The following NT5DC4 variants were observed in gnomAD, a reference collection of about 807,000 sequenced individuals.
The protein encoded by NT5DC4 is 5'-nucleotidase domain-containing protein 4.
A neutral mutation model predicts 26.6 loss-of-function variants in NT5DC4; 44 were observed. The ratio of observed to expected loss-of-function variants is 1.65; its 90% CI spans 1.30 to 2.13. The LOEUF is 2.13. NT5DC4 is among the 30% of genes most tolerant of loss of function. The probability of loss-of-function intolerance (pLI) is 0.00; values close to 1 mark genes in which losing one functional copy is unlikely to be tolerated. For synonymous variants in NT5DC4, 157 were observed against 86.7 expected, an observed-to-expected ratio of 1.81 and a Z score of -4.51; for missense variants, 399 against 228.1, an observed-to-expected ratio of 1.75 and a Z score of -4.83.
rs139299635 is a variant in NT5DC4, at chr2:112,724,353, AG to A, written c.789+229del. ...CCTTTGGGGGTGATAGGAGGCAGTC[AG>A]GTATGTGGGGACGGGCGGCAGAAAG... On this transcript the variant is annotated intron_variant, in intron 10 of 16. Coordinates refer to ENST00000688554, the MANE Select transcript of NT5DC4 (RefSeq NM_001393655.1). 3.1e-3 allele frequency: 1,841 copies of A among 598,252 alleles called. 19 individuals carry two copies. Among genetic ancestry groups the A allele is most frequent in the African/African-American group, 0.031 (1,662 of 54,038 alleles). 37.1% of individuals were successfully genotyped at this position (598,252 alleles called of 1,614,324 possible).
intron 15 of NT5DC4, among the ~76,000 whole-genome samples, chr2:112,727,892 C>T (rs973036094): frequency 1.3e-5 from 2 of 151,086 alleles, no homozygotes; most frequent in South Asian, 4.2e-4. Flanking sequence ...CCAGCTGATG[C>T]GCTATGCCGA....
rs930931408 is a variant in NT5DC4, at chr2:112,724,803, G to A, written c.812G>A (p.Trp271Ter). ...CAGGCTGAAGCCTCGGGCAGGCCCTGGAGGTCCTACTTTGACCTGATCGTG... is the reference window on the plus strand; with the variant it reads ...CAGGCTGAAGCCTCGGGCAGGCCCTAGAGGTCCTACTTTGACCTGATCGTG... ...ISEAEASGRPWRSYFDLIVVD... is the reference protein window; with the variant it reads ...ISEAEASGRP The change falls in exon 11 of 17, where the codon TGG becomes TAG. Residue 271 changes from tryptophan (W) to a stop codon, truncating the protein, a stop_gained. Transcript: ENST00000688554. LOFTEE classifies it high-confidence loss of function. 4 of 717,058 alleles carry A rather than the reference G, an allele frequency of 5.6e-6. No homozygotes were observed. The highest frequency in any genetic ancestry group is 5.2e-5 in the African/African-American group (3 of 57,238). 44.4% of individuals were successfully genotyped at this position (717,058 alleles called of 1,614,324 possible). A position where few individuals can be genotyped will look rare whatever the true frequency, so the allele number is the denominator to read the frequency against.
At chr2:112,719,767 A>G (rs998222938), upstream of NT5DC4, among the ~76,000 whole-genome samples, 7 of 151,636 alleles carry the variant, frequency 4.6e-5, no homozygotes, top group African/African-American at 1.7e-4. Context: ...TACAGGTGTG[A>G]GCCACTGCGC....
chr2:112,719,606 C>A (rs570247451), upstream of NT5DC4, among the ~76,000 whole-genome samples: 1 of 150,804 alleles, frequency 6.6e-6, no homozygotes, highest in South Asian at 2.1e-4. Context: ...CCACCTCAGC[C>A]TCCTGAGTAG....
At chr2:112,719,292 C>T (rs564598659), upstream of NT5DC4, among the ~76,000 whole-genome samples, 26 of 152,294 alleles carry the variant, frequency 1.7e-4, no homozygotes, top group South Asian at 4.3e-3. Context: ...CACTGTTGGG[C>T]GGAACATCGT....
Position 112,725,258 on chromosome 2 carries a change from G to GC in NT5DC4, c.982+22dup. ...CTCTGGAGGTACCAGCTCCCACCATGCCCCATCACTCCTTGGGCACCCTCC... is the reference window on the plus strand; with the variant it reads ...CTCTGGAGGTACCAGCTCCCACCATGCCCCCATCACTCCTTGGGCACCCTCC... On this transcript the variant is annotated intron_variant, in intron 12 of 16. Transcript: ENST00000688554. 1.4e-6 allele frequency: 1 copy of GC among 705,664 alleles called. No individual in the cohort carries two copies. Among genetic ancestry groups the GC allele is most frequent in the Non-Finnish European group, 2.7e-6 (1 of 375,632 alleles). 43.7% of individuals were successfully genotyped at this position (705,664 alleles called of 1,614,324 possible).
intron 10 of NT5DC4, 156 bp downstream of exon 10, chr2:112,724,282 C>T (rs1411498498): frequency 7.6e-6 from 5 of 660,132 alleles, no homozygotes; most frequent in African/African-American, 3.5e-5. Flanking sequence ...GTGGAAGCTC[C>T]CCAGTGGGTA....
Position 112,721,859 on chromosome 2 carries a change from G to A in NT5DC4, c.116G>A (p.Cys39Tyr). The change falls in exon 2 of 17, where the codon TGC (cysteine) becomes TAC (tyrosine). Residue 39 changes from cysteine (C) to tyrosine (Y), a missense_variant. By Grantham distance (194) the Cys-to-Tyr change is radical. Transcript: ENST00000688554. ...NRSLALGKIR[C>Y]FGFDMDYTLA... is the part of the protein sequence containing the mutation. ...AGCCTGGCGCTGGGGAAGATTCGTT[G>A]CTTTGGCTTCGACATGGACTACACT... 1.4e-6 allele frequency: 1 copy of A among 717,388 alleles called. No individual in the cohort carries two copies. Among genetic ancestry groups the A allele is most frequent in the South Asian group, 1.5e-5 (1 of 67,602 alleles). The allele number at this position is 717,388 out of a possible 1,614,324, so 44.4% of individuals were successfully genotyped here.
At chr2:112,734,772 CTT>C (rs1678896803) in intron 16 of NT5DC4, among the ~76,000 whole-genome samples, 1 of 152,324 alleles carries the variant, frequency 6.6e-6, no homozygotes, top group Non-Finnish European at 1.5e-5. Context: ...TCACTGCACC[CTT>C]TGTTTCCCGG....
At chr2:112,731,737 C>T (rs2104785685) in intron 16 of NT5DC4, 1 of 152,284 alleles carries the variant, frequency 6.6e-6, no homozygotes, top group East Asian at 1.9e-4. Context: ...TTAGTGGTAT[C>T]ATCTGGCATT....
intron 9 of NT5DC4, 127 bp downstream of exon 9, chr2:112,723,929 G>A (rs542445255): frequency 1.2e-5 from 8 of 689,908 alleles, no homozygotes; most frequent in Admixed American, 4.1e-5. Flanking sequence ...CCACTGGGCT[G>A]GTCTCCTGGA....
At chr2:112,736,621 T>C (rs538329580) in intron 16 of NT5DC4, 28 of 152,364 alleles carry the variant, frequency 1.8e-4, no homozygotes, top group African/African-American at 6.5e-4. Flanking sequence ...CAATCTGTGG[T>C]AAGCACTTTC....
In NT5DC4 at chr2:112,726,635, G is replaced by T. The variant is rs749819768; in HGVS notation, c.1206-43G>T. The stretch of plus-strand genomic sequence containing the variant: ...TAAGGAGACTGTCCTGGCACTCGGA[G>T]GCTCTGTGCCTCCCCTGGGTCACCT... On this transcript the variant is annotated intron_variant, in intron 14 of 16. Coordinates refer to ENST00000688554, the MANE Select transcript of NT5DC4 (RefSeq NM_001393655.1). The T allele has an allele frequency of 5.6e-6, 4 of 717,348 alleles. No homozygotes were observed. The African/African-American group carries it at 7.0e-5, about 13-fold the overall frequency. 44.4% of individuals were successfully genotyped at this position (717,348 alleles called of 1,614,324 possible).
chr2:112,734,492 G>A (rs1678848535), intron 16 of NT5DC4, among the ~76,000 whole-genome samples: 1 of 152,126 alleles, frequency 6.6e-6, no homozygotes, highest in Non-Finnish European at 1.5e-5. Context: ...AACTCTACCA[G>A]GAAGCATCTT....
chr2:112,726,555 G>C (rs1201263775), intron 14 of NT5DC4, 123 bp from the exon 15 acceptor site: 2 of 696,838 alleles, frequency 2.9e-6, no homozygotes, highest in African/African-American at 3.5e-5. Flanking sequence ...CACCCAGCCC[G>C]GCACCCCCAC....
chr2:112,734,045 CATTT>C (rs1377448100), intron 16 of NT5DC4, among the ~76,000 whole-genome samples: 2 of 152,082 alleles, frequency 1.3e-5, no homozygotes, highest in African/African-American at 2.4e-5. Flanking sequence ...GCAGGACTGA[CATTT>C]ATTAACTACT....
downstream of NT5DC4, among the ~76,000 whole-genome samples, chr2:112,739,279 G>T (rs1365225631): frequency 6.6e-6 from 1 of 152,056 alleles, no homozygotes; most frequent in Non-Finnish European, 1.5e-5. Flanking sequence ...AAATTAGCTG[G>T]GCATGGTGGC....
chr2:112,741,086 C>A, downstream of NT5DC4: 1 of 901,014 alleles, frequency 1.1e-6, no homozygotes, highest in Non-Finnish European at 1.8e-6. Flanking sequence ...ATGAAAAATA[C>A]ATACATACAA....
At chr2:112,735,038 A>ATTTTTTTTTTTTTTTTTTTTTTTT (rs70965024) in intron 16 of NT5DC4, among the ~76,000 whole-genome samples, 1 of 94,492 alleles carries the variant, frequency 1.1e-5, no homozygotes, top group Non-Finnish European at 2.0e-5. Context: ...AGGCAAGAAC[A>ATTTTTTTTTTTTTTTTTTTTTTTT]TTTTTTTTTT....
Sources: gnomAD v4.1 joint callset for allele counts (sites outside exome capture counted in the v4.1 genomes callset) on GRCh38, gnomAD v4.1.1 for gene constraint, MANE v1.5 for transcripts, NCBI Gene and HGNC (gene_info 2026-07-23, HGNC 2026-07-21) for gene names.